Variants in FAF1 observed in about 807,000 individuals in gnomAD.
FAF1 encodes Fas associated factor 1, also known as FAS-associated factor 1.
FAF1 carries 25 observed loss-of-function variants against 92.5 expected under a neutral mutation model. The ratio of observed to expected loss-of-function variants is 0.27; its 90% CI spans 0.20 to 0.38. The LOEUF (loss-of-function observed/expected upper bound fraction) is 0.38, where lower values mean the gene tolerates loss of function less well. Among genes scored for constraint, FAF1 ranks in the 10% least tolerant of loss-of-function variants. The probability of loss-of-function intolerance (pLI) is 1.00; values close to 1 mark genes in which losing one functional copy is unlikely to be tolerated. For missense variants in FAF1, 636 were observed against 793.3 expected, an observed-to-expected ratio of 0.80 and a Z score of 2.38; for synonymous variants, 234 against 273.2, an observed-to-expected ratio of 0.86 and a Z score of 1.42.
Position 50,732,338 on chromosome 1 carries a change from G to A in FAF1, c.551+6525C>T, listed in dbSNP as rs1417594258. 2.0e-5 allele frequency among the ~76,000 whole-genome samples: 3 copies of A among 152,056 alleles called. No homozygotes were observed. In the East Asian group the frequency reaches 5.8e-4, roughly 29 times the overall value. ...GATCTGCCCACCTTGGCCTCCCAAAGTGCTGGGATTATAGGCATGAGCCAC... is the reference window on the plus strand; with the variant it reads ...GATCTGCCCACCTTGGCCTCCCAAAATGCTGGGATTATAGGCATGAGCCAC... On this transcript the variant is annotated intron_variant, in intron 6 of 18. Transcript: ENST00000396153.
At chr1:50,587,536 G>A (rs890156982) in intron 9 of FAF1, among the ~76,000 whole-genome samples, 3 of 152,034 alleles carry the variant, frequency 2.0e-5, no homozygotes, top group Admixed American at 2.0e-4. Flanking sequence ...AATGTTTGCT[G>A]ATGAGAATAG....
intron 6 of FAF1, among the ~76,000 whole-genome samples, chr1:50,716,571 C>A (rs976713737): frequency 6.6e-5 from 10 of 152,152 alleles, no homozygotes; most frequent in African/African-American, 2.4e-4. Flanking sequence ...CACCAATCAG[C>A]TCTCTGTAAA....
intron 7 of FAF1, among the ~76,000 whole-genome samples, chr1:50,674,086 G>A (rs1656013539): frequency 6.6e-6 from 1 of 152,018 alleles, no homozygotes; most frequent in Non-Finnish European, 1.5e-5. Flanking sequence ...AAGTAGCTGG[G>A]GTTACAGGCG....
intron 15 of FAF1, among the ~76,000 whole-genome samples, chr1:50,504,222 A>G (rs1393459534): frequency 6.6e-6 from 1 of 152,146 alleles, no homozygotes; most frequent in African/African-American, 2.4e-5. Context: ...AGAGAAGTTA[A>G]GAGATGTGGA....
At chr1:50,637,674 T>C (rs1200309251) in intron 8 of FAF1, among the ~76,000 whole-genome samples, 13 of 121,594 alleles carry the variant, frequency 1.1e-4, no homozygotes, top group African/African-American at 4.5e-4. Flanking sequence ...GGCTCACACA[T>C]ATATATATGT....
intron 1 of FAF1, among the ~76,000 whole-genome samples, chr1:50,892,164 G>A (rs1644725453): frequency 6.6e-6 from 1 of 152,196 alleles, no homozygotes; most frequent in South Asian, 2.1e-4. Flanking sequence ...AGCCAGGAGT[G>A]GGATATAATC....
chr1:50,772,898 A>G (rs887407952), intron 4 of FAF1, among the ~76,000 whole-genome samples: 3 of 152,202 alleles, frequency 2.0e-5, no homozygotes, highest in African/African-American at 7.2e-5. Context: ...TTAACATCTA[A>G]TTAATAAAAT....
chr1:50,605,395 C>A (rs1250894605), intron 8 of FAF1, among the ~76,000 whole-genome samples: 1 of 152,116 alleles, frequency 6.6e-6, no homozygotes, highest in Non-Finnish European at 1.5e-5. Context: ...CCAGACCAGC[C>A]TAACACTGTC....
intron 12 of FAF1, among the ~76,000 whole-genome samples, chr1:50,569,852 T>C (rs943304278): frequency 1.3e-5 from 2 of 152,160 alleles, no homozygotes; most frequent in African/African-American, 2.4e-5. Context: ...CAGAGTTCTC[T>C]ATAAGTGCAG....
intron 4 of FAF1, among the ~76,000 whole-genome samples, chr1:50,787,714 T>C (rs1347810869): frequency 6.6e-6 from 1 of 152,216 alleles, no homozygotes; most frequent in East Asian, 1.9e-4. Flanking sequence ...ATGTACTTGA[T>C]TAGGGTATTT....
rs764058700 is a variant in FAF1 at position 50,637,679 on chromosome 1, A to ATGTGTG, written c.744+17762_744+17763insCACACA. Among the ~76,000 whole-genome samples, 350 of 101,786 alleles carry ATGTGTG rather than the reference A, an allele frequency of 3.4e-3. 1 individual carries two copies. Among genetic ancestry groups the ATGTGTG allele is most frequent in the African/African-American group, 0.011 (244 of 22,324 alleles). 66.8% of individuals were successfully genotyped at this position (101,786 alleles called of 152,430 possible). ...CTCACTCTGTGGCTCACACATATAT[A>ATGTGTG]TATGTGTGTGTGTGTGTGTGTGTGT... On this transcript the variant is annotated intron_variant, in intron 8 of 18. Coordinates refer to ENST00000396153, the MANE Select transcript of FAF1 (RefSeq NM_007051.3).
At chr1:50,728,952 A>AG (rs1002568256) in intron 6 of FAF1, among the ~76,000 whole-genome samples, 2 of 149,860 alleles carry the variant, frequency 1.3e-5, no homozygotes, top group East Asian at 3.9e-4. Context: ...GAATAGATAC[A>AG]GGGAAAAAAA....
intron 1 of FAF1, among the ~76,000 whole-genome samples, chr1:50,866,069 C>A (rs895324670): frequency 6.6e-6 from 1 of 152,152 alleles, no homozygotes; most frequent in East Asian, 1.9e-4. Context: ...AAATGTGATA[C>A]ACCACATAAA....
intron 1 of FAF1, among the ~76,000 whole-genome samples, chr1:50,952,944 G>A (rs184773571): frequency 5.3e-5 from 8 of 152,244 alleles, no homozygotes; most frequent in South Asian, 4.1e-4. Flanking sequence ...CGGTTTTGTC[G>A]AATAGAAAAG....
At chr1:50,649,258 T>G (rs945988538) in intron 8 of FAF1, among the ~76,000 whole-genome samples, 5 of 152,030 alleles carry the variant, frequency 3.3e-5, no homozygotes, top group Non-Finnish European at 5.9e-5. Flanking sequence ...GTTCAAGCAA[T>G]TCTCTTGCCT....
At chr1:50,928,450 A>G (rs1014154100) in intron 1 of FAF1, among the ~76,000 whole-genome samples, 1 of 152,188 alleles carries the variant, frequency 6.6e-6, no homozygotes, top group African/African-American at 2.4e-5. Flanking sequence ...TAGAATAAAA[A>G]TATCACACTT....
At chr1:50,623,029 T>C (rs1653284617) in intron 8 of FAF1, among the ~76,000 whole-genome samples, 1 of 152,128 alleles carries the variant, frequency 6.6e-6, no homozygotes, top group African/African-American at 2.4e-5. Flanking sequence ...CTCACTAATA[T>C]CATCTTCTCC....
chr1:50,508,816 C>T (rs551397956), intron 15 of FAF1, among the ~76,000 whole-genome samples: 1 of 152,308 alleles, frequency 6.6e-6, no homozygotes, highest in East Asian at 1.9e-4. Context: ...ATTCTCTTGC[C>T]TCAGCTCCTG....
At chr1:50,509,607 C>CAATA (rs1221259176) in intron 15 of FAF1, among the ~76,000 whole-genome samples, 7 of 151,896 alleles carry the variant, frequency 4.6e-5, no homozygotes, top group African/African-American at 1.5e-4. Flanking sequence ...GTGAGAATGT[C>CAATA]AATAAATAAA....
Sources: gnomAD v4.1 joint callset for allele counts (sites outside exome capture counted in the v4.1 genomes callset) on GRCh38, gnomAD v4.1.1 for gene constraint, MANE v1.5 for transcripts, NCBI Gene and HGNC (gene_info 2026-07-23, HGNC 2026-07-21) for gene names.